GRIN2B: variants seen among roughly 807,000 people sequenced by gnomAD.
The protein encoded by GRIN2B is glutamate receptor ionotropic, NMDA 2B.
GRIN2B carries 5 observed loss-of-function variants against 114.5 expected under a neutral mutation model. The observed-to-expected ratio is 0.04, with a 90% confidence interval of 0.02 to 0.09. The LOEUF (loss-of-function observed/expected upper bound fraction) is 0.09, where lower values mean the gene tolerates loss of function less well. Among genes scored for constraint, GRIN2B ranks in the 10% least tolerant of loss-of-function variants. The pLI is 1.00. For missense variants in GRIN2B, 1,108 were observed against 1,943.5 expected, an observed-to-expected ratio of 0.57 and a Z score of 8.08; for synonymous variants, 787 against 745.1, an observed-to-expected ratio of 1.06 and a Z score of -0.92.
At chr12:13,606,143 C>G (rs1193506525) in intron 10 of GRIN2B, among the ~76,000 whole-genome samples, 1 of 152,216 alleles carries the variant, frequency 6.6e-6, no homozygotes, top group Non-Finnish European at 1.5e-5. Context: ...GTTTCTGCAA[C>G]ATCCATGTTT....
intron 4 of GRIN2B, among the ~76,000 whole-genome samples, chr12:13,747,841 T>C (rs1415076902): frequency 6.6e-6 from 1 of 152,194 alleles, no homozygotes; most frequent in East Asian, 1.9e-4. Flanking sequence ...CTCTTGCCCA[T>C]AATGCCTAAA....
chr12:13,694,795 A>C (rs1950246748), intron 4 of GRIN2B, among the ~76,000 whole-genome samples: 1 of 150,584 alleles, frequency 6.6e-6, no homozygotes, highest in Admixed American at 6.6e-5. Context: ...ATGATGAGAC[A>C]AAAAAAGAAT....
chr12:13,757,652 CCTT>C (rs1279969721), intron 3 of GRIN2B, among the ~76,000 whole-genome samples: 2 of 152,066 alleles, frequency 1.3e-5, no homozygotes, highest in Non-Finnish European at 2.9e-5. Context: ...ACCTGAATGT[CCTT>C]CTTCAACTCA....
At chr12:13,851,936 G>A (rs769489913) in intron 3 of GRIN2B, among the ~76,000 whole-genome samples, 52 of 152,184 alleles carry the variant, frequency 3.4e-4, no homozygotes, top group Non-Finnish European at 5.9e-4. Flanking sequence ...AGGCAGAGGA[G>A]GAGGAGGGTG....
At chr12:13,690,908 G>C (rs1012534958) in intron 4 of GRIN2B, among the ~76,000 whole-genome samples, 1 of 152,124 alleles carries the variant, frequency 6.6e-6, no homozygotes, top group African/African-American at 2.4e-5. Context: ...CATTTTGTCA[G>C]TTTGGAAAGA....
At chr12:13,718,266 A>G (rs1320553804) in intron 4 of GRIN2B, among the ~76,000 whole-genome samples, 1 of 152,056 alleles carries the variant, frequency 6.6e-6, no homozygotes, top group Non-Finnish European at 1.5e-5. Flanking sequence ...CCTGCATGCC[A>G]CATACATGCT....
At chr12:13,795,175 G>A (rs1191048633) in intron 3 of GRIN2B, among the ~76,000 whole-genome samples, 1 of 152,178 alleles carries the variant, frequency 6.6e-6, no homozygotes, top group African/African-American at 2.4e-5. Flanking sequence ...AATAAGCTGT[G>A]TCCATCTATA....
rs533243841 is a variant in GRIN2B, at chr12:13,735,680, C to A, written c.1010+17637G>T. Among the ~76,000 whole-genome samples, 5 of 152,316 alleles carry A rather than the reference C, an allele frequency of 3.3e-5. No individual in the cohort carries two copies. In the South Asian group the frequency reaches 1.0e-3, roughly 32 times the overall value. Reference sequence around the variant, plus strand: ...ACAGGGCTCTGCTCAGGGGACTAAGCACCTGGGCATTACAGGATCACGCCC... The same window carrying A: ...ACAGGGCTCTGCTCAGGGGACTAAGAACCTGGGCATTACAGGATCACGCCC... On this transcript the variant is annotated intron_variant, in intron 4 of 13. Coordinates refer to ENST00000609686, the MANE Select transcript of GRIN2B (RefSeq NM_000834.5).
At chr12:13,872,000 C>T (rs1865917935) in intron 2 of GRIN2B, among the ~76,000 whole-genome samples, 2 of 152,062 alleles carry the variant, frequency 1.3e-5, no homozygotes, top group Non-Finnish European at 1.5e-5. Context: ...CCAGCCCACC[C>T]CACCTCTGCC....
chr12:13,738,056 G>C (rs1194925792), intron 4 of GRIN2B, among the ~76,000 whole-genome samples: 1 of 152,044 alleles, frequency 6.6e-6, no homozygotes, highest in African/African-American at 2.4e-5. Flanking sequence ...CATCTCAACT[G>C]GTTCCCCTGA....
intron 2 of GRIN2B, among the ~76,000 whole-genome samples, chr12:13,912,115 G>C (rs1284397761): frequency 2.0e-5 from 3 of 152,076 alleles, no homozygotes; most frequent in Non-Finnish European, 4.4e-5. Flanking sequence ...GCTGTAGACG[G>C]TTCCTTAGTG....
intron 3 of GRIN2B, among the ~76,000 whole-genome samples, chr12:13,785,804 T>C (rs568275837): frequency 3.9e-5 from 6 of 152,206 alleles, no homozygotes; most frequent in Non-Finnish European, 8.8e-5. Flanking sequence ...ATTTTCCATA[T>C]GTAATATATG....
At chr12:13,810,590 C>G (rs537443450) in intron 3 of GRIN2B, among the ~76,000 whole-genome samples, 1 of 152,214 alleles carries the variant, frequency 6.6e-6, no homozygotes, top group South Asian at 2.1e-4. Context: ...CAGCAGCCTG[C>G]CTCCCTTCGT....
At chr12:13,882,014 G>A (rs1866078504) in intron 2 of GRIN2B, among the ~76,000 whole-genome samples, 1 of 152,056 alleles carries the variant, frequency 6.6e-6, no homozygotes, top group African/African-American at 2.4e-5. Flanking sequence ...ATCATCCTGT[G>A]CATATATTCA....
At chr12:13,676,616 G>A (rs1336403374) in intron 4 of GRIN2B, among the ~76,000 whole-genome samples, 1 of 152,144 alleles carries the variant, frequency 6.6e-6, no homozygotes, top group African/African-American at 2.4e-5. Context: ...GTTGGAAGTG[G>A]TGGAGATAAG....
At chr12:13,750,621 A>G (rs1445704286) in intron 4 of GRIN2B, among the ~76,000 whole-genome samples, 1 of 152,240 alleles carries the variant, frequency 6.6e-6, no homozygotes, top group Admixed American at 6.5e-5. Flanking sequence ...TTTGAATTTA[A>G]CACGAAAAGC....
Position 13,716,316 on chromosome 12 carries a change from G to T in GRIN2B, c.1010+37001C>A, listed in dbSNP as rs142590726. On this transcript the variant is annotated intron_variant, in intron 4 of 13. Coordinates refer to ENST00000609686, the MANE Select transcript of GRIN2B (RefSeq NM_000834.5). Reference sequence around the variant, plus strand: ...GGAGAGTATAGTGTAGGGAGGTGAAGTCAGAACAGACTTCACGGAGGATGA... The same window carrying T: ...GGAGAGTATAGTGTAGGGAGGTGAATTCAGAACAGACTTCACGGAGGATGA... Among the ~76,000 whole-genome samples, 624 of 152,016 alleles carry T rather than the reference G, an allele frequency of 4.1e-3. 6 individuals carry two copies. Among genetic ancestry groups the T allele is most frequent in the Middle Eastern group, 0.01 (3 of 294 alleles).
At chr12:13,806,943 A>G (rs1864610989) in intron 3 of GRIN2B, among the ~76,000 whole-genome samples, 1 of 152,074 alleles carries the variant, frequency 6.6e-6, no homozygotes, top group South Asian at 2.1e-4. Flanking sequence ...AATTTGAGTA[A>G]TATAGTCTGC....
intron 5 of GRIN2B, among the ~76,000 whole-genome samples, chr12:13,652,834 C>A (rs551998498): frequency 6.6e-6 from 1 of 152,218 alleles, no homozygotes; most frequent in East Asian, 1.9e-4. Context: ...AGAAAGAAGA[C>A]GGTGGAAAAA....
Sources: allele counts gnomAD v4.1 joint callset (sites outside exome capture counted in the v4.1 genomes callset), GRCh38; gene constraint gnomAD v4.1.1; transcripts MANE v1.5; gene names NCBI Gene and HGNC (gene_info 2026-07-23, HGNC 2026-07-21).